Variants in ATG5 observed in about 807,000 individuals in gnomAD.
The protein encoded by ATG5 is autophagy related 5.
A neutral mutation model predicts 36.5 loss-of-function variants in ATG5; 14 were observed. The ratio of observed to expected loss-of-function variants is 0.38; its 90% CI spans 0.25 to 0.60. ATG5 has a LOEUF of 0.60. ATG5 is among the 20% of genes least tolerant of loss of function. The pLI is 0.60. For missense variants in ATG5, 195 were observed against 326.7 expected (o/e 0.60, Z 3.11); for synonymous variants, 95 against 101.5 (o/e 0.94, Z 0.38).
intron 6 of ATG5, among the ~76,000 whole-genome samples, chr6:106,246,390 T>TCACACACACA (rs1423043399): frequency 2.6e-4 from 29 of 113,516 alleles, no homozygotes; most frequent in African/African-American, 8.6e-4. Context: ...TCTCTCTCTC[T>TCACACACACA]CTCACACACA....
At chr6:106,246,332 A>T (rs1351400984) in intron 6 of ATG5, among the ~76,000 whole-genome samples, 1 of 146,510 alleles carries the variant, frequency 6.8e-6, no homozygotes, top group Non-Finnish European at 1.5e-5. Flanking sequence ...TTTCTATCTA[A>T]TTATAGCACT....
chr6:106,307,347 A>G (rs1766199), intron 3 of ATG5, among the ~76,000 whole-genome samples: 17,171 of 152,068 alleles, frequency 0.11, 1,053 homozygotes, highest in African/African-American at 0.16. Context: ...TATCCAAATG[A>G]TAGCATTTCA....
At chr6:106,255,182 C>T (rs1261677112) in intron 5 of ATG5, among the ~76,000 whole-genome samples, 1 of 152,202 alleles carries the variant, frequency 6.6e-6, no homozygotes, top group East Asian at 1.9e-4. Flanking sequence ...GTCCTCCAGT[C>T]TTGACAAGCA....
chr6:106,263,184 C>T (rs1270328085), intron 5 of ATG5, among the ~76,000 whole-genome samples: 1 of 152,180 alleles, frequency 6.6e-6, no homozygotes, highest in Admixed American at 6.5e-5. Context: ...ATTACTGAGG[C>T]TTTACTAGGC....
intron 5 of ATG5, 80 bp downstream of exon 5, chr6:106,279,581 A>T: frequency 8.3e-7 from 1 of 1,200,784 alleles, no homozygotes; most frequent in Non-Finnish European, 1.1e-6. Context: ...CAATTCTAAA[A>T]TGTATCAACT....
At chr6:106,291,352 T>C (rs771061150) in intron 4 of ATG5, among the ~76,000 whole-genome samples, 5 of 152,370 alleles carry the variant, frequency 3.3e-5, no homozygotes, top group East Asian at 3.9e-4. Context: ...ACTAGTACAG[T>C]GAGGTACAAT....
At position 106,266,305 on chromosome 6, in the gene ATG5, G is replaced by A. The variant is rs1779227617; in HGVS notation, c.478+13356C>T. Among the ~76,000 whole-genome samples, 3 of 152,136 alleles carry A rather than the reference G, an allele frequency of 2.0e-5. No individual in the cohort carries two copies. The South Asian group carries it at 6.2e-4, about 32-fold the overall frequency. ...TGCCAAGACTAAACCAGAAGAAGTT[G>A]AATCCCTGACTAGAACAATAACAAG... is the stretch of plus-strand genomic sequence containing the variant. On this transcript the variant is annotated intron_variant, in intron 5 of 7. Coordinates refer to ENST00000369076, the MANE Select transcript of ATG5 (RefSeq NM_004849.4).
chr6:106,199,423 C>T (rs1776333231), intron 7 of ATG5, among the ~76,000 whole-genome samples: 1 of 152,110 alleles, frequency 6.6e-6, no homozygotes, highest in Non-Finnish European at 1.5e-5. Flanking sequence ...ACGGATGCAA[C>T]TCAAATACAT....
Position 106,248,167 on chromosome 6 carries a change from G to T in ATG5, c.556C>A (p.Pro186Thr). 1 of 1,605,260 alleles carries T rather than the reference G, an allele frequency of 6.2e-7. No individual in the cohort carries two copies. Among genetic ancestry groups the T allele is most frequent in the Non-Finnish European group, 8.5e-7 (1 of 1,172,284 alleles). ...PAEENGFRYI[P>T]FRIYQTTTER... ...TTTCCTACCTGATATATTCTAAAGGGGATATAACGAAATCCATTTTCTTCT... is the reference window on the plus strand; with the variant it reads ...TTTCCTACCTGATATATTCTAAAGGTGATATAACGAAATCCATTTTCTTCT... The change falls in exon 6 of 8, where the codon CCC becomes ACC. Residue 186 changes from proline to threonine, a missense_variant. By Grantham distance (38) the Pro-to-Thr change is conservative. Transcript: ENST00000369076.
At chr6:106,190,471 C>T (rs1285243694) in intron 7 of ATG5, among the ~76,000 whole-genome samples, 2 of 152,200 alleles carry the variant, frequency 1.3e-5, no homozygotes, top group Non-Finnish European at 2.9e-5. Flanking sequence ...CTGGGGGATA[C>T]ATTCAGGTCA....
chr6:106,264,533 T>C (rs776846584), intron 5 of ATG5, among the ~76,000 whole-genome samples: 5 of 151,998 alleles, frequency 3.3e-5, no homozygotes, highest in Non-Finnish European at 7.4e-5. Context: ...CCAAGACACA[T>C]AATCATCAGA....
chr6:106,259,146 T>C (rs747968974), intron 5 of ATG5, among the ~76,000 whole-genome samples: 2 of 152,192 alleles, frequency 1.3e-5, no homozygotes, highest in African/African-American at 4.8e-5. Flanking sequence ...ATATAACAAC[T>C]AATTCACTGC....
intron 3 of ATG5, among the ~76,000 whole-genome samples, chr6:106,295,413 T>C (rs1193222921): frequency 9.2e-5 from 14 of 152,168 alleles, no homozygotes; most frequent in Admixed American, 9.2e-4. Flanking sequence ...ATCTATTAGA[T>C]AAGATTCACT....
At chr6:106,263,034 T>A (rs943399304) in intron 5 of ATG5, among the ~76,000 whole-genome samples, 4 of 151,872 alleles carry the variant, frequency 2.6e-5, no homozygotes, top group African/African-American at 9.7e-5. Flanking sequence ...AGCCACAGAG[T>A]CAAGTGGTCT....
intron 5 of ATG5, among the ~76,000 whole-genome samples, chr6:106,248,643 A>G (rs889229989): frequency 6.6e-6 from 1 of 152,230 alleles, no homozygotes; most frequent in African/African-American, 2.4e-5. Flanking sequence ...AGTTGTGTAA[A>G]GAAATAAAGT....
At position 106,186,183 on chromosome 6, in the gene ATG5, G is replaced by C. The variant is rs1218297164; in HGVS notation, c.*357C>G. On this transcript the variant is annotated 3_prime_UTR_variant, in exon 8 of 8. Coordinates refer to ENST00000369076, the MANE Select transcript of ATG5 (RefSeq NM_004849.4). ...CTAAAGTTCAACCATGGTCACCTTA[G>C]GAAATACCCCTGTTTATTTGTTAAT... The C allele has an allele frequency of 5.3e-6, 1 of 187,136 alleles. No homozygotes were observed. Among genetic ancestry groups the C allele is most frequent in the African/African-American group, 2.3e-5 (1 of 42,828 alleles). 11.6% of individuals were successfully genotyped at this position (187,136 alleles called of 1,614,324 possible).
chr6:106,303,494 T>A (rs147005049), intron 3 of ATG5, among the ~76,000 whole-genome samples: 3 of 152,068 alleles, frequency 2.0e-5, no homozygotes, highest in Non-Finnish European at 4.4e-5. Context: ...ACTTAAAGAA[T>A]TGACAGCATT....
intron 5 of ATG5, among the ~76,000 whole-genome samples, chr6:106,272,214 G>T (rs1779480246): frequency 6.6e-6 from 1 of 152,120 alleles, no homozygotes; most frequent in Non-Finnish European, 1.5e-5. Flanking sequence ...ATTCCCATTT[G>T]CTTCTTTCTA....
intron 6 of ATG5, among the ~76,000 whole-genome samples, chr6:106,221,484 G>A (rs772631177): frequency 2.0e-5 from 3 of 151,820 alleles, no homozygotes; most frequent in Non-Finnish European, 4.4e-5. Context: ...CCAGGAATTC[G>A]AGACCAACCT....
Sources: allele counts gnomAD v4.1 joint callset (sites outside exome capture counted in the v4.1 genomes callset), GRCh38; gene constraint gnomAD v4.1.1; transcripts MANE v1.5; gene names NCBI Gene and HGNC (gene_info 2026-07-23, HGNC 2026-07-21).